Variants in SATB2 observed in about 807,000 individuals in gnomAD.
SATB2 encodes the protein DNA-binding protein SATB2.
In SATB2, 1 loss-of-function variant was observed where a neutral mutation model predicts 73.4. That is an observed-to-expected ratio of 0.01 (90% CI 0.00 to 0.06). The LOEUF is 0.06. Among genes scored for constraint, SATB2 ranks in the 10% least tolerant of loss-of-function variants. The pLI, the probability that SATB2 is intolerant of heterozygous loss-of-function variation, is 1.00. For synonymous variants in SATB2, 397 were observed against 367.0 expected, an observed-to-expected ratio of 1.08 and a Z score of -0.93; for missense variants, 459 against 945.8, an observed-to-expected ratio of 0.49 and a Z score of 6.75.
chr2:199,350,430 G>A (rs766482072), intron 6 of SATB2, among the ~76,000 whole-genome samples: 4 of 152,114 alleles, frequency 2.6e-5, no homozygotes, highest in Non-Finnish European at 4.4e-5. Flanking sequence ...GAAAACAGGG[G>A]AGTTGGTGAT....
chr2:199,453,014 T>C (rs1335239219), intron 2 of SATB2, among the ~76,000 whole-genome samples: 4 of 152,120 alleles, frequency 2.6e-5, no homozygotes, highest in Admixed American at 1.3e-4. Flanking sequence ...ACAGTGTATC[T>C]ACCCTCTCTT....
At chr2:199,460,298 C>T (rs1692446371), upstream of SATB2, among the ~76,000 whole-genome samples, 1 of 152,140 alleles carries the variant, frequency 6.6e-6, no homozygotes, top group Non-Finnish European at 1.5e-5. This position sits in a 1 kb window ranked among gnomAD's most constrained non-coding sequence, Gnocchi z 4.0. Context: ...TTTTGAGCAA[C>T]AAACTTTTTC....
At chr2:199,350,848 C>T (rs190895083) in intron 6 of SATB2, among the ~76,000 whole-genome samples, 3 of 151,890 alleles carry the variant, frequency 2.0e-5, no homozygotes, top group Non-Finnish European at 4.4e-5. Context: ...CACAGCAAAA[C>T]CCCGTCTCTA....
intron 10 of SATB2, among the ~76,000 whole-genome samples, chr2:199,299,295 C>G (rs1052326086): frequency 6.6e-6 from 1 of 152,120 alleles, no homozygotes; most frequent in Admixed American, 6.5e-5. Context: ...CTTTGTAGAG[C>G]TATGTAAATC....
chr2:199,338,521 T>G (rs1688405466), intron 7 of SATB2, among the ~76,000 whole-genome samples: 1 of 152,134 alleles, frequency 6.6e-6, no homozygotes, highest in South Asian at 2.1e-4. Context: ...CTTATAAAAC[T>G]TACCAAAAGT....
chr2:199,367,491 T>G (rs1423067656), intron 6 of SATB2, among the ~76,000 whole-genome samples: 1 of 152,144 alleles, frequency 6.6e-6, no homozygotes, highest in Non-Finnish European at 1.5e-5. Context: ...AAGACAACCT[T>G]GTCAAAAATC....
At chr2:199,376,417 G>A (rs1689607114) in intron 5 of SATB2, among the ~76,000 whole-genome samples, 2 of 152,174 alleles carry the variant, frequency 1.3e-5, no homozygotes, top group Non-Finnish European at 2.9e-5. Context: ...TTGGTTAACT[G>A]AGAGTGGTAC....
At position 199,289,955 on chromosome 2, in the gene SATB2, T is replaced by C. The variant is rs529197903; in HGVS notation, c.1741-17283A>G. On this transcript the variant is annotated intron_variant, in intron 10 of 10. Coordinates refer to ENST00000417098, the MANE Select transcript of SATB2 (RefSeq NM_001172509.2). ...CTGACTTCCTCCCAACAGGCCTCCC[T>C]GTCACAGCCAACCGAACATCTTGCT... Among the ~76,000 whole-genome samples, 15 of 152,364 alleles carry C rather than the reference T, an allele frequency of 9.8e-5. No individual in the cohort carries two copies. The South Asian group carries it at 3.1e-3, about 32-fold the overall frequency.
chr2:199,463,525 G>A lies in SATB2; in HGVS notation c.-141+1311C>T, dbSNP rs867299207. Among the ~76,000 whole-genome samples the A allele has an allele frequency of 2.0e-5, 3 of 152,284 alleles. No homozygotes were observed. The highest frequency in any genetic ancestry group is 1.5e-5 in the Non-Finnish European group (1 of 68,024). On this transcript the variant is annotated intron_variant, in intron 1 of 11. Transcript: ENST00000260926. This position sits in a 1 kb window ranked among gnomAD's most constrained non-coding sequence, Gnocchi z 6.4. Reference sequence around the variant, plus strand: ...CCGCCACCCTCGAGCCCGGGTCACTGCCCGGGTCCCGGCCCGGAGCCCCAG... The same window carrying A: ...CCGCCACCCTCGAGCCCGGGTCACTACCCGGGTCCCGGCCCGGAGCCCCAG...
chr2:199,421,509 A>G (rs1691168731), intron 3 of SATB2, among the ~76,000 whole-genome samples: 1 of 152,224 alleles, frequency 6.6e-6, no homozygotes, highest in Non-Finnish European at 1.5e-5. Context: ...TACTGCACAC[A>G]GCAAAAAACA....
At chr2:199,354,098 C>T (rs1050926952) in intron 6 of SATB2, among the ~76,000 whole-genome samples, 22 of 152,190 alleles carry the variant, frequency 1.4e-4, no homozygotes, top group Non-Finnish European at 1.5e-4. Context: ...TGGCTCATGC[C>T]TGCAATCCCA....
chr2:199,416,388 G>A (rs998912063), intron 3 of SATB2, among the ~76,000 whole-genome samples: 1 of 152,284 alleles, frequency 6.6e-6, no homozygotes, highest in South Asian at 2.1e-4. Flanking sequence ...TTTTCTTAGA[G>A]TATTATTGGC....
intron 8 of SATB2, among the ~76,000 whole-genome samples, chr2:199,328,278 C>T (rs975164979): frequency 6.6e-6 from 1 of 152,132 alleles, no homozygotes; most frequent in Non-Finnish European, 1.5e-5. Context: ...CGGTGGCTCA[C>T]GCCTGTAATC....
intron 3 of SATB2, among the ~76,000 whole-genome samples, chr2:199,382,277 T>C (rs1453621576): frequency 1.3e-5 from 2 of 152,200 alleles, no homozygotes; most frequent in Non-Finnish European, 1.5e-5. Context: ...TGTGGTGCGA[T>C]TCCCAGTGCG....
intron 6 of SATB2, among the ~76,000 whole-genome samples, chr2:199,356,061 A>C (rs931474771): frequency 6.6e-6 from 1 of 152,050 alleles, no homozygotes; most frequent in Non-Finnish European, 1.5e-5. Flanking sequence ...TGCACTGAGA[A>C]ATTTCCAGAA....
chr2:199,363,995 T>A (rs1046865541), intron 6 of SATB2, among the ~76,000 whole-genome samples: 1 of 152,114 alleles, frequency 6.6e-6, no homozygotes, highest in Non-Finnish European at 1.5e-5. Context: ...TCATCAGAGT[T>A]AAACAACAGC....
At chr2:199,417,693 A>T (rs1156963273) in intron 3 of SATB2, among the ~76,000 whole-genome samples, 2 of 152,200 alleles carry the variant, frequency 1.3e-5, no homozygotes, top group African/African-American at 4.8e-5. Flanking sequence ...TTAGTTAAGG[A>T]TATTTCATTG....
intron 10 of SATB2, among the ~76,000 whole-genome samples, chr2:199,299,595 G>A (rs971993196): frequency 2.0e-5 from 3 of 151,538 alleles, no homozygotes; most frequent in African/African-American, 7.3e-5. Context: ...AATACATTCT[G>A]AATAAAGGAG....
intron 7 of SATB2, among the ~76,000 whole-genome samples, chr2:199,335,462 C>A (rs17197938): frequency 6.6e-6 from 1 of 152,086 alleles, no homozygotes; most frequent in Non-Finnish European, 1.5e-5. Context: ...TGAACCAAAA[C>A]AGCAATAGTT....
Sources: gnomAD v4.1 joint callset for allele counts (sites outside exome capture counted in the v4.1 genomes callset) on GRCh38, gnomAD v4.1.1 for gene constraint, Gnocchi (gnomAD v3.1) non-coding constraint, MANE v1.5 for transcripts, NCBI Gene and HGNC (gene_info 2026-07-23, HGNC 2026-07-21) for gene names.